The following BBS9 variants were observed in gnomAD, a reference collection of about 807,000 sequenced individuals.
The protein encoded by BBS9 is protein PTHB1.
In BBS9, 89 loss-of-function variants were observed where a neutral mutation model predicts 117.7. The observed-to-expected ratio is 0.76, with a 90% CI of 0.64 to 0.90. The LOEUF (loss-of-function observed/expected upper bound fraction) is 0.90. BBS9 is among the 40% of genes least tolerant of loss of function. The pLI is 0.00. For missense variants in BBS9, 982 were observed against 1,042.2 expected (o/e 0.94, Z 0.80); for synonymous variants, 379 against 370.9 (o/e 1.02, Z -0.25).
intron 4 of BBS9, among the ~76,000 whole-genome samples, chr7:33,159,037 T>A: frequency 6.6e-6 from 1 of 151,940 alleles, no homozygotes; most frequent in East Asian, 2.0e-4. Context: ...ACAACTGGCC[T>A]CCTTTGATTG....
chr7:33,489,806 C>T (rs190467768), intron 19 of BBS9, among the ~76,000 whole-genome samples: 22 of 152,218 alleles, frequency 1.4e-4, no homozygotes, highest in African/African-American at 4.3e-4. Flanking sequence ...CACTCATGAA[C>T]GCTTCCACTA....
intron 9 of BBS9, among the ~76,000 whole-genome samples, chr7:33,313,220 T>A (rs1809695385): frequency 6.6e-6 from 1 of 152,180 alleles, no homozygotes; most frequent in Non-Finnish European, 1.5e-5. Flanking sequence ...CTCCTTTGTT[T>A]ATTTATCTTA....
chr7:33,567,348 T>G (rs1360201482), intron 21 of BBS9, among the ~76,000 whole-genome samples: 1 of 152,322 alleles, frequency 6.6e-6, no homozygotes, highest in African/African-American at 2.4e-5. Context: ...GCTGTTGCTA[T>G]TTTGTTCTCC....
intron 21 of BBS9, among the ~76,000 whole-genome samples, chr7:33,545,270 C>T (rs55647624): frequency 0.12 from 18,373 of 152,140 alleles, 1,192 homozygotes; most frequent in African/African-American, 0.16. Flanking sequence ...TAGAGAATTC[C>T]TTCTCCCTGT....
At chr7:33,167,906 T>G (rs1255184279) in intron 4 of BBS9, among the ~76,000 whole-genome samples, 1 of 152,160 alleles carries the variant, frequency 6.6e-6, no homozygotes, top group Non-Finnish European at 1.5e-5. Context: ...TAAATGATTA[T>G]AAAGACATAA....
At chr7:33,433,193 A>AGGG (rs1212213460) in intron 19 of BBS9, among the ~76,000 whole-genome samples, 1 of 152,192 alleles carries the variant, frequency 6.6e-6, no homozygotes, top group East Asian at 1.9e-4. Context: ...AATTGCAGAG[A>AGGG]TAGGCAATTA....
rs60567131 is a variant in BBS9, at chr7:33,384,715, T to TGAGAGA, written c.1962+898_1962+903dup. Among the ~76,000 whole-genome samples the TGAGAGA allele has an allele frequency of 3.4e-3, 489 of 144,812 alleles. 4 individuals carry two copies. Among genetic ancestry groups the TGAGAGA allele is most frequent in the African/African-American group, 0.011 (431 of 39,892 alleles). ...GCATGTGTCTGTGTGTGTGTGTGTGTGAGAGAGAGAGAGAGAGAGAGAGAG... is the reference window on the plus strand; with the variant it reads ...GCATGTGTCTGTGTGTGTGTGTGTGTGAGAGAGAGAGAGAGAGAGAGAGAGAGAGAG... On this transcript the variant is annotated intron_variant, in intron 18 of 22. Coordinates refer to ENST00000242067, the MANE Select transcript of BBS9 (RefSeq NM_198428.3).
At chr7:33,178,390 T>C (rs949405464) in intron 5 of BBS9, among the ~76,000 whole-genome samples, 2 of 152,196 alleles carry the variant, frequency 1.3e-5, no homozygotes, top group African/African-American at 4.8e-5. Flanking sequence ...GCCACCTTCA[T>C]TGTGTCCACT....
chr7:33,336,753 A>C, intron 10 of BBS9, 131 bp downstream of exon 10: 1 of 690,716 alleles, frequency 1.4e-6, no homozygotes, highest in African/African-American at 1.8e-5. Context: ...TTGTAAAAAC[A>C]GTATTGCTCT....
chr7:33,321,782 C>T (rs1025303434), intron 9 of BBS9, among the ~76,000 whole-genome samples: 1 of 151,950 alleles, frequency 6.6e-6, no homozygotes, highest in African/African-American at 2.4e-5. Context: ...AAGTGGGCAT[C>T]CTTGTCATGT....
intron 5 of BBS9, among the ~76,000 whole-genome samples, chr7:33,202,698 AT>A (rs1447390078): frequency 2.0e-5 from 3 of 152,042 alleles, no homozygotes; most frequent in Non-Finnish European, 4.4e-5. Flanking sequence ...GAACTCACTC[AT>A]TTTCATGAAA....
At chr7:33,600,841 G>A (rs1863687116) in intron 21 of BBS9, among the ~76,000 whole-genome samples, 1 of 152,202 alleles carries the variant, frequency 6.6e-6, no homozygotes, top group African/African-American at 2.4e-5. Context: ...GCTGTGGGCT[G>A]CTGCCTCTGA....
chr7:33,444,617 G>A (rs1836717258), intron 19 of BBS9, among the ~76,000 whole-genome samples: 1 of 152,222 alleles, frequency 6.6e-6, no homozygotes, highest in Non-Finnish European at 1.5e-5. Context: ...TTTGTAGCAT[G>A]TTATTACAAC....
chr7:33,343,957 T>G (rs1337840927), intron 11 of BBS9, among the ~76,000 whole-genome samples: 1 of 151,880 alleles, frequency 6.6e-6, no homozygotes, highest in Non-Finnish European at 1.5e-5. Flanking sequence ...TACAGGGAGG[T>G]CTTCTTCTAT....
chr7:33,419,081 T>C (rs1832465371), intron 19 of BBS9, among the ~76,000 whole-genome samples: 1 of 152,214 alleles, frequency 6.6e-6, no homozygotes. Flanking sequence ...TGCTTTTTTT[T>C]TTCATGTGAA....
At chr7:33,516,222 G>A (rs927169417) in intron 20 of BBS9, among the ~76,000 whole-genome samples, 3 of 152,110 alleles carry the variant, frequency 2.0e-5, no homozygotes, top group South Asian at 2.1e-4. Flanking sequence ...CGGGCGCGGT[G>A]GCTCACACCT....
At chr7:33,537,354 G>T (rs758571211) in intron 21 of BBS9, among the ~76,000 whole-genome samples, 7 of 152,154 alleles carry the variant, frequency 4.6e-5, no homozygotes, top group Non-Finnish European at 5.9e-5. Flanking sequence ...TTCCCAGTGG[G>T]AATTACCTTA....
intron 19 of BBS9, among the ~76,000 whole-genome samples, chr7:33,392,730 T>G (rs1827267751): frequency 6.6e-6 from 1 of 152,248 alleles, no homozygotes. Flanking sequence ...TACTTAGAGA[T>G]GTCTTTTCTT....
intron 9 of BBS9, among the ~76,000 whole-genome samples, chr7:33,309,339 A>AT (rs1808692846): frequency 6.8e-6 from 1 of 147,284 alleles, no homozygotes. Flanking sequence ...TGGACCCAAG[A>AT]TTTCCAAGAC....
Sources: allele counts gnomAD v4.1 joint callset (sites outside exome capture counted in the v4.1 genomes callset), GRCh38; gene constraint gnomAD v4.1.1; transcripts MANE v1.5; gene names NCBI Gene and HGNC (gene_info 2026-07-23, HGNC 2026-07-21).